The following CREB3L1 variants were observed in gnomAD, a reference collection of about 807,000 sequenced individuals.
The protein encoded by CREB3L1 is cAMP responsive element binding protein 3 like 1.
Under a neutral mutation model 54.5 loss-of-function variants are expected in CREB3L1, and 33 were observed. The observed-to-expected ratio is 0.61, with a 90% CI of 0.46 to 0.81. The LOEUF (loss-of-function observed/expected upper bound fraction) is 0.81, where lower values mean the gene tolerates loss of function less well. Among genes scored for constraint, CREB3L1 ranks in the 30% least tolerant of loss-of-function variants. The probability of loss-of-function intolerance (pLI) is 0.00; values close to 1 mark genes in which losing one functional copy is unlikely to be tolerated. For missense variants in CREB3L1, 656 were observed against 673.3 expected (o/e 0.97, Z 0.29); for synonymous variants, 284 against 286.4 (o/e 0.99, Z 0.08).
At chr11:46,315,308 C>T (rs1163136136) in intron 8 of CREB3L1, 3 of 216,712 alleles carry the variant, frequency 1.4e-5, no homozygotes, top group East Asian at 1.4e-4. Context: ...GTAGTTATTT[C>T]GCCACCTGCT....
chr11:46,306,967 G>A (rs772612163), intron 2 of CREB3L1, among the ~76,000 whole-genome samples: 12 of 151,498 alleles, frequency 7.9e-5, no homozygotes, highest in Non-Finnish European at 1.6e-4. Flanking sequence ...TCTGCCTCCC[G>A]GGTTCAAGTG....
chr11:46,301,004 C>CAAAA (rs57840608), intron 2 of CREB3L1, among the ~76,000 whole-genome samples: 5 of 37,638 alleles, frequency 1.3e-4, no homozygotes, highest in Non-Finnish European at 2.4e-4. Flanking sequence ...GACTCCATCT[C>CAAAA]AAAAAAAAAA....
intron 1 of CREB3L1, among the ~76,000 whole-genome samples, chr11:46,289,739 A>T (rs1343588711): frequency 6.6e-6 from 1 of 152,172 alleles, no homozygotes; most frequent in Non-Finnish European, 1.5e-5. Context: ...ACTAGCCTGG[A>T]GAGGAGAGAA....
chr11:46,306,249 C>T (rs1939395358), intron 2 of CREB3L1, among the ~76,000 whole-genome samples: 1 of 152,144 alleles, frequency 6.6e-6, no homozygotes, highest in Non-Finnish European at 1.5e-5. Context: ...GGTGCAATAG[C>T]TCATGCCTGT....
At chr11:46,301,725 G>A (rs1054251357) in intron 2 of CREB3L1, among the ~76,000 whole-genome samples, 6 of 151,628 alleles carry the variant, frequency 4.0e-5, no homozygotes, top group East Asian at 1.9e-4. Flanking sequence ...TTAGGAGGCT[G>A]AGGTGGGCGG....
intron 1 of CREB3L1, among the ~76,000 whole-genome samples, chr11:46,286,985 C>T (rs1162080013): frequency 1.3e-5 from 2 of 152,170 alleles, no homozygotes; most frequent in African/African-American, 2.4e-5. Flanking sequence ...CAGGTGCGTA[C>T]TCCCAGGCTC....
rs748804887 is a variant in CREB3L1, at chr11:46,288,946, T to C, written c.102+10733T>C. Among the ~76,000 whole-genome samples, 54 of 152,306 alleles carry C rather than the reference T, an allele frequency of 3.5e-4. 1 individual carries two copies. The highest frequency in any genetic ancestry group is 3.4e-3 in the Middle Eastern group (1 of 294). ...GTACTAAGAGGACCCACTTTATCCT[T>C]TGAAGCTTAAATGAGATACTACATG... On this transcript the variant is annotated intron_variant, in intron 1 of 11. Transcript: ENST00000621158.
intron 8 of CREB3L1, among the ~76,000 whole-genome samples, chr11:46,313,400 A>T (rs1264276195): frequency 6.6e-6 from 1 of 152,168 alleles, no homozygotes; most frequent in Non-Finnish European, 1.5e-5. Flanking sequence ...CTTGTTAGAA[A>T]TGCAGGCTGG....
In CREB3L1 at chr11:46,278,158, G is replaced by C; in HGVS notation, c.47G>C (p.Gly16Ala). ...EPFPADRLFP[G>A]SSFLDLGDLN... ...TTCCCGGCCGACAGGCTGTTCCCCG[G>C]ATCCAGCTTCCTGGACTTGGGGGAT... Residue 16 changes from glycine to alanine, a missense_variant, in exon 1 of 12, where the codon GGA (glycine) becomes GCA (alanine). Coordinates refer to ENST00000621158, the MANE Select transcript of CREB3L1 (RefSeq NM_052854.4). This position sits in a 1 kb window ranked among gnomAD's most constrained non-coding sequence, Gnocchi z 4.2. 6.3e-7 allele frequency: 1 copy of C among 1,575,370 alleles called. No individual in the cohort carries two copies. The highest frequency in any genetic ancestry group is 1.2e-5 in the South Asian group (1 of 85,636).
intron 9 of CREB3L1, 130 bp from the exon 10 acceptor site, chr11:46,317,231 T>A: frequency 7.5e-6 from 9 of 1,205,022 alleles, no homozygotes; most frequent in Non-Finnish European, 1.1e-5. Flanking sequence ...AGTGGTCGAC[T>A]GGAGCAGCTG....
At chr11:46,286,521 G>A (rs1448217517) in intron 1 of CREB3L1, among the ~76,000 whole-genome samples, 4 of 152,176 alleles carry the variant, frequency 2.6e-5, no homozygotes, top group Non-Finnish European at 5.9e-5. Flanking sequence ...ACTCAGGGCC[G>A]GGCATGGTGG....
intron 9 of CREB3L1, among the ~76,000 whole-genome samples, 182 bp downstream of exon 9, chr11:46,316,567 G>T (rs950846911): frequency 5.9e-5 from 9 of 152,158 alleles, no homozygotes; most frequent in Non-Finnish European, 1.2e-4. Context: ...CAAGCCCATG[G>T]TGCCTTCTGC....
In CREB3L1 at chr11:46,277,999, CGGACCTG is replaced by C; in HGVS notation, c.-112_-106del. On this transcript the variant is annotated 5_prime_UTR_variant, in exon 1 of 12. Transcript: ENST00000621158. Reference sequence around the variant, plus strand: ...CCGCCCCTCCCCCGGGGCTTCGCCCCGGACCTGCCCCCCGCCCGTTTGCCAGCGCTCA... The same window carrying C: ...CCGCCCCTCCCCCGGGGCTTCGCCCCCCCCCCGCCCGTTTGCCAGCGCTCA... The C allele has an allele frequency of 2.0e-6, 1 of 497,130 alleles. No homozygotes were observed. Among genetic ancestry groups the C allele is most frequent in the Non-Finnish European group, 3.2e-6 (1 of 309,106 alleles). The allele number at this position is 497,130 out of a possible 1,614,324, so 30.8% of individuals were successfully genotyped here. A position where few individuals can be genotyped will look rare whatever the true frequency, so the allele number is the denominator to read the frequency against.
rs541230967 is a variant in CREB3L1, at chr11:46,315,659, C to T, written c.1032-627C>T. 36 of 179,090 alleles carry T rather than the reference C, an allele frequency of 2.0e-4. No homozygotes were observed. In the South Asian group the frequency reaches 6.8e-3, roughly 34 times the overall value. 11.1% of individuals were successfully genotyped at this position (179,090 alleles called of 1,614,324 possible). A position where few individuals can be genotyped will look rare whatever the true frequency, so the allele number is the denominator to read the frequency against. Reference sequence around the variant, plus strand: ...CAAGCCTGGCAAAACCCCGTCTCTACTAAAAATACAAAAATTAGCCGGCAT... The same window carrying T: ...CAAGCCTGGCAAAACCCCGTCTCTATTAAAAATACAAAAATTAGCCGGCAT... On this transcript the variant is annotated intron_variant, in intron 8 of 11. Transcript: ENST00000621158.
intron 1 of CREB3L1, among the ~76,000 whole-genome samples, chr11:46,288,325 G>A (rs970106562): frequency 1.3e-4 from 20 of 152,036 alleles, no homozygotes; most frequent in East Asian, 3.9e-4. Flanking sequence ...CAAGTGATCC[G>A]CCCGCCTCAG....
Position 46,277,959 on chromosome 11 carries a change from C to T in CREB3L1, c.-153C>T, listed in dbSNP as rs1938899237. 2 of 414,722 alleles carry T rather than the reference C, an allele frequency of 4.8e-6. No individual in the cohort carries two copies. Among genetic ancestry groups the T allele is most frequent in the African/African-American group, 2.1e-5 (1 of 48,348 alleles). 25.7% of individuals were successfully genotyped at this position (414,722 alleles called of 1,614,324 possible). On this transcript the variant is annotated 5_prime_UTR_variant, in exon 1 of 12. Transcript: ENST00000621158. Reference sequence around the variant, plus strand: ...CGCGCCCCGCGCCCCCCACCCGGGGCCGCGCCGCCTCCGTCCGCCCCTCCC... The same window carrying T: ...CGCGCCCCGCGCCCCCCACCCGGGGTCGCGCCGCCTCCGTCCGCCCCTCCC...
At chr11:46,302,598 T>C (rs1439335423) in intron 2 of CREB3L1, among the ~76,000 whole-genome samples, 1 of 152,228 alleles carries the variant, frequency 6.6e-6, no homozygotes, top group African/African-American at 2.4e-5. Context: ...AGTCTACAGA[T>C]TGCCTTCATG....
At chr11:46,296,474 G>T (rs188115437) in intron 1 of CREB3L1, among the ~76,000 whole-genome samples, 1 of 152,156 alleles carries the variant, frequency 6.6e-6, no homozygotes, top group Non-Finnish European at 1.5e-5. Flanking sequence ...AAATAGGAGG[G>T]GGGGAACGAG....
Position 46,318,303 on chromosome 11 carries a change from A to G in CREB3L1, c.1258+816A>G, listed in dbSNP as rs116385013. Among the ~76,000 whole-genome samples, 542 of 152,286 alleles carry G rather than the reference A, an allele frequency of 3.6e-3. 3 individuals are homozygous for G. Among genetic ancestry groups the G allele is most frequent in the African/African-American group, 0.01 (426 of 41,546 alleles). The stretch of plus-strand genomic sequence containing the variant: ...CACTGATAATGTCTACCATGGACAG[A>G]AGAAGGGTAGCGGTGGTGTGGGTTC... On this transcript the variant is annotated intron_variant, in intron 10 of 11. Transcript: ENST00000621158.
Sources: allele counts gnomAD v4.1 joint callset (sites outside exome capture counted in the v4.1 genomes callset), GRCh38; gene constraint gnomAD v4.1.1; non-coding constraint Gnocchi (gnomAD v3.1); transcripts MANE v1.5; gene names NCBI Gene and HGNC (gene_info 2026-07-23, HGNC 2026-07-21).